QTMAN: variants seen among roughly 807,000 people sequenced by gnomAD.
QTMAN encodes the protein tRNA-queuosine alpha-mannosyltransferase.
chr2:144,055,877 G>C, the QTMAN span, among the ~76,000 whole-genome samples: 2 of 152,144 alleles, frequency 1.3e-5, no homozygotes, highest in Non-Finnish European at 2.9e-5. Flanking sequence ...GCGGCAAAGT[G>C]GAAGAAGGTA....
At chr2:144,023,531 C>T in the QTMAN span, among the ~76,000 whole-genome samples, 1 of 152,190 alleles carries the variant, frequency 6.6e-6, no homozygotes, top group Non-Finnish European at 1.5e-5. Context: ...CAGATCACAA[C>T]AATCCATGGT....
At chr2:144,054,949 T>C in the QTMAN span, among the ~76,000 whole-genome samples, 1 of 152,320 alleles carries the variant, frequency 6.6e-6, no homozygotes, top group African/African-American at 2.4e-5. Flanking sequence ...TTTTATAATA[T>C]GTATCTGACT....
At chr2:143,957,365 C>T in the QTMAN span, 9 of 1,482,028 alleles carry the variant, frequency 6.1e-6, no homozygotes, top group East Asian at 2.1e-4. Flanking sequence ...AAAAGATATT[C>T]ATCTATTTAA....
the QTMAN span, among the ~76,000 whole-genome samples, chr2:143,971,489 T>C: frequency 6.6e-5 from 10 of 152,108 alleles, no homozygotes; most frequent in African/African-American, 2.4e-4. Flanking sequence ...AGCTTGTCAG[T>C]CTTCTTTGTA....
At chr2:144,142,059 T>C in the QTMAN span, 1 of 1,605,336 alleles carries the variant, frequency 6.2e-7, no homozygotes, top group Non-Finnish European at 8.5e-7. Flanking sequence ...CACCAGGCTG[T>C]AAAGGTAAAA....
the QTMAN span, among the ~76,000 whole-genome samples, chr2:144,201,957 TA>T: frequency 5.3e-5 from 8 of 152,054 alleles, no homozygotes; most frequent in Non-Finnish European, 1.2e-4. Context: ...TAGAAAGACA[TA>T]AGGATGAAAT....
chr2:144,188,947 A>C, the QTMAN span, among the ~76,000 whole-genome samples: 4 of 152,192 alleles, frequency 2.6e-5, no homozygotes, highest in African/African-American at 9.7e-5. Context: ...CAAAGTAGCA[A>C]AACAAGAGGA....
At chr2:144,270,879 T>C in the QTMAN span, among the ~76,000 whole-genome samples, 1 of 152,070 alleles carries the variant, frequency 6.6e-6, no homozygotes, top group African/African-American at 2.4e-5. Flanking sequence ...TAAATGCAAA[T>C]TGGATGAAAG....
chr2:144,228,356 T>C, the QTMAN span, among the ~76,000 whole-genome samples: 3 of 152,236 alleles, frequency 2.0e-5, no homozygotes, highest in Admixed American at 6.5e-5. Context: ...TTTACAATTT[T>C]CTGTAATCTG....
the QTMAN span, among the ~76,000 whole-genome samples, chr2:144,191,304 A>G: frequency 2.6e-5 from 4 of 152,240 alleles, no homozygotes; most frequent in Non-Finnish European, 5.9e-5. Flanking sequence ...TTATACAACA[A>G]GAAAAAAGTA....
chr2:144,007,511 G>A, the QTMAN span: 1 of 1,591,438 alleles, frequency 6.3e-7, no homozygotes. Flanking sequence ...TCTTTAAATG[G>A]GTTGTTTTGT....
chr2:144,073,377 C>T, the QTMAN span, among the ~76,000 whole-genome samples: 21 of 152,074 alleles, frequency 1.4e-4, no homozygotes, highest in African/African-American at 5.1e-4. Context: ...AAAGGTGATG[C>T]AATGGAATTA....
chr2:144,062,828 T>C, the QTMAN span, among the ~76,000 whole-genome samples: 1 of 152,198 alleles, frequency 6.6e-6, no homozygotes, highest in Non-Finnish European at 1.5e-5. Context: ...GAGTAACTTT[T>C]TCATGGTTCT....
At chr2:144,143,882 A>G in the QTMAN span, among the ~76,000 whole-genome samples, 1 of 151,940 alleles carries the variant, frequency 6.6e-6, no homozygotes, top group Admixed American at 6.6e-5. Flanking sequence ...GAAATCTGAC[A>G]GTGCCAAAAA....
the QTMAN span, chr2:144,145,865 G>A: frequency 7.8e-6 from 5 of 639,106 alleles, no homozygotes; most frequent in Admixed American, 3.0e-5. Flanking sequence ...CACATCAATA[G>A]TTGAGGCTTA....
the QTMAN span, among the ~76,000 whole-genome samples, chr2:144,103,201 C>T: frequency 6.6e-6 from 1 of 152,202 alleles, no homozygotes; most frequent in African/African-American, 2.4e-5. Flanking sequence ...TTGGACATAA[C>T]AGGTTTACAC....
chr2:143,986,470 C>T, the QTMAN span, among the ~76,000 whole-genome samples: 1 of 152,314 alleles, frequency 6.6e-6, no homozygotes, highest in South Asian at 2.1e-4. Context: ...TCTTCCACCA[C>T]CTTCTATGAT....
chr2:144,288,040 A>T, the QTMAN span, among the ~76,000 whole-genome samples: 28 of 151,896 alleles, frequency 1.8e-4, 1 homozygote, highest in African/African-American at 6.8e-4. Flanking sequence ...TTTTTAGTAG[A>T]GACGGGGTTT....
At chr2:144,101,344 C>T in the QTMAN span, among the ~76,000 whole-genome samples, 4 of 152,114 alleles carry the variant, frequency 2.6e-5, no homozygotes, top group Non-Finnish European at 5.9e-5. Context: ...ATCTCTACAA[C>T]TTGATCAGTA....
Sources: allele counts gnomAD v4.1 joint callset (sites outside exome capture counted in the v4.1 genomes callset), GRCh38; gene constraint gnomAD v4.1.1; transcripts MANE v1.5; gene names NCBI Gene and HGNC (gene_info 2026-07-23, HGNC 2026-07-21).